IPO11: variants seen among roughly 807,000 people sequenced by gnomAD.
IPO11 encodes the protein importin 11.
Under a neutral mutation model 143.2 loss-of-function variants are expected in IPO11, and 66 were observed. The observed-to-expected ratio is 0.46, with a 90% CI of 0.38 to 0.57. The LOEUF (loss-of-function observed/expected upper bound fraction) is 0.57. Among genes scored for constraint, IPO11 ranks in the 20% least tolerant of loss-of-function variants. The pLI is 0.00. For synonymous variants in IPO11, 385 were observed against 377.8 expected, an observed-to-expected ratio of 1.02 and a Z score of -0.22; for missense variants, 1,026 against 1,141.0, an observed-to-expected ratio of 0.90 and a Z score of 1.45.
intron 27 of IPO11, chr5:62,579,550 C>G: frequency 6.4e-7 from 1 of 1,551,098 alleles, no homozygotes; most frequent in Non-Finnish European, 8.7e-7. Flanking sequence ...TGTTTGTCAG[C>G]TCTGCACTGG....
At chr5:62,580,272 T>C (rs1399544945) in intron 27 of IPO11, 3 of 1,540,816 alleles carry the variant, frequency 1.9e-6, no homozygotes, top group Non-Finnish European at 2.6e-6. Context: ...TTAATAATCT[T>C]AAACATTTGA....
At chr5:62,469,687 A>G (rs1488489768) in intron 6 of IPO11, among the ~76,000 whole-genome samples, 1 of 152,184 alleles carries the variant, frequency 6.6e-6, no homozygotes, top group Non-Finnish European at 1.5e-5. Flanking sequence ...ACTGTAGACA[A>G]TAGATCAAGG....
chr5:62,567,625 C>T (rs570805771), intron 27 of IPO11, among the ~76,000 whole-genome samples: 4 of 132,620 alleles, frequency 3.0e-5, no homozygotes, highest in South Asian at 2.5e-4. Flanking sequence ...TGCATTGGAA[C>T]GATCTCGGCC....
intron 28 of IPO11, among the ~76,000 whole-genome samples, chr5:62,599,295 G>A (rs1312108550): frequency 6.6e-6 from 1 of 152,186 alleles, no homozygotes; most frequent in Non-Finnish European, 1.5e-5. Context: ...AGGTAGAGTG[G>A]AACTAAGCTT....
At chr5:62,518,216 C>T (rs981136809) in intron 20 of IPO11, among the ~76,000 whole-genome samples, 5 of 150,596 alleles carry the variant, frequency 3.3e-5, no homozygotes, top group South Asian at 2.1e-4. Flanking sequence ...GAGGCCGAGG[C>T]GGGTGAATCA....
intron 7 of IPO11, among the ~76,000 whole-genome samples, chr5:62,472,803 A>G (rs1358575265): frequency 6.6e-6 from 1 of 152,170 alleles, no homozygotes; most frequent in Non-Finnish European, 1.5e-5. Flanking sequence ...TTCTGGGATT[A>G]CAGGCGTGAG....
intron 24 of IPO11, among the ~76,000 whole-genome samples, chr5:62,541,100 C>T (rs913594789): frequency 2.6e-5 from 4 of 152,080 alleles, no homozygotes; most frequent in Non-Finnish European, 5.9e-5. Flanking sequence ...CGCCAGGTGC[C>T]GTGGCTCAGG....
At chr5:62,605,453 C>T (rs778280403) in intron 29 of IPO11, among the ~76,000 whole-genome samples, 7 of 152,168 alleles carry the variant, frequency 4.6e-5, no homozygotes, top group South Asian at 4.2e-4. Flanking sequence ...CCTTTCATTT[C>T]GGTGAAATAA....
chr5:62,465,325 G>A (rs1413286094), intron 5 of IPO11, among the ~76,000 whole-genome samples: 3 of 152,162 alleles, frequency 2.0e-5, no homozygotes, highest in Non-Finnish European at 2.9e-5. Flanking sequence ...TTCTGGATAT[G>A]TATTTCAGTC....
intron 9 of IPO11, among the ~76,000 whole-genome samples, chr5:62,480,310 G>C (rs192578348): frequency 5.3e-5 from 8 of 152,062 alleles, no homozygotes; most frequent in Non-Finnish European, 1.0e-4. Flanking sequence ...CTCTGTTTTC[G>C]TACCAGTACC....
intron 29 of IPO11, among the ~76,000 whole-genome samples, chr5:62,606,694 G>A (rs1048903378): frequency 3.3e-5 from 5 of 151,510 alleles, no homozygotes; most frequent in Middle Eastern, 3.2e-3. Flanking sequence ...AAAATTAGCC[G>A]GGCGTGGTGG....
chr5:62,495,988 T>G (rs573213329), intron 16 of IPO11, among the ~76,000 whole-genome samples: 32 of 151,858 alleles, frequency 2.1e-4, no homozygotes, highest in Admixed American at 5.9e-4. Context: ...CTGGTCAGAG[T>G]CTTTAAAAAT....
intron 29 of IPO11, among the ~76,000 whole-genome samples, chr5:62,608,276 A>G (rs866622479): frequency 6.6e-6 from 1 of 152,136 alleles, no homozygotes; most frequent in African/African-American, 2.4e-5. Context: ...CTTAAATCCT[A>G]GAGTACCATA....
At chr5:62,571,139 C>T (rs1489307787) in intron 27 of IPO11, among the ~76,000 whole-genome samples, 4 of 152,180 alleles carry the variant, frequency 2.6e-5, no homozygotes, top group African/African-American at 7.2e-5. Flanking sequence ...CTTCATAGCT[C>T]GAGGAACATC....
intron 7 of IPO11, among the ~76,000 whole-genome samples, chr5:62,473,849 A>G (rs1745868942): frequency 6.6e-6 from 1 of 152,162 alleles, no homozygotes; most frequent in South Asian, 2.1e-4. Flanking sequence ...CCTAGCTGGT[A>G]TATGTTGATG....
intron 9 of IPO11, 58 bp downstream of exon 9, chr5:62,476,811 G>A (rs1444404277): frequency 1.4e-6 from 2 of 1,403,046 alleles, no homozygotes; most frequent in Non-Finnish European, 1.9e-6. Flanking sequence ...GATTTACAAA[G>A]GAAAATGATA....
At chr5:62,583,742 C>T (rs963586903) in intron 27 of IPO11, among the ~76,000 whole-genome samples, 7 of 152,170 alleles carry the variant, frequency 4.6e-5, no homozygotes, top group African/African-American at 1.7e-4. Flanking sequence ...TGAAGTGTTA[C>T]AGGCATAATA....
chr5:62,601,447 A>G (rs1420979636), intron 28 of IPO11: 2 of 176,616 alleles, frequency 1.1e-5, no homozygotes, highest in Non-Finnish European at 2.4e-5. Flanking sequence ...TTTTTAAATA[A>G]CATATAAAGT....
At position 62,627,378 on chromosome 5, in the gene IPO11, G is replaced by T; in HGVS notation, c.*60G>T. 6.6e-7 allele frequency: 1 copy of T among 1,512,476 alleles called. No homozygotes were observed. Among genetic ancestry groups the T allele is most frequent in the Admixed American group, 1.8e-5 (1 of 56,372 alleles). 93.7% of individuals were successfully genotyped at this position (1,512,476 alleles called of 1,614,324 possible). On this transcript the variant is annotated 3_prime_UTR_variant, in exon 30 of 30. Transcript: ENST00000325324. ...AACAAGCTGAGTAACCCAGCCTGCC[G>T]TTTGTATGTGAGAGCCTGCTGAGAT...
Sources: gnomAD v4.1 joint callset for allele counts (sites outside exome capture counted in the v4.1 genomes callset) on GRCh38, gnomAD v4.1.1 for gene constraint, MANE v1.5 for transcripts, NCBI Gene and HGNC (gene_info 2026-07-23, HGNC 2026-07-21) for gene names.